CAST: variants seen among roughly 807,000 people sequenced by gnomAD.
CAST encodes the protein calpastatin, also known as MIR583 host.
Under a neutral mutation model 119.6 loss-of-function variants are expected in CAST, and 76 were observed. That is an observed-to-expected ratio of 0.64 (90% CI 0.53 to 0.77). The LOEUF is 0.77. Among genes scored for constraint, CAST ranks in the 30% least tolerant of loss-of-function variants. The pLI is 0.00. For missense variants in CAST, 953 were observed against 946.5 expected (o/e 1.01, Z -0.09); for synonymous variants, 319 against 331.6 (o/e 0.96, Z 0.41).
chr5:96,702,974 T>G, intron 3 of CAST: 1 of 982,118 alleles, frequency 1.0e-6, no homozygotes, highest in Non-Finnish European at 1.2e-6. Flanking sequence ...GTCTAGGGCC[T>G]GTGCCCCCGG....
intron 1 of CAST, among the ~76,000 whole-genome samples, chr5:96,664,243 T>C (rs1748996684): frequency 6.6e-6 from 1 of 152,052 alleles, no homozygotes; most frequent in African/African-American, 2.4e-5. Flanking sequence ...TTATTCTCCG[T>C]TTCTATATAA....
At chr5:96,608,404 C>G (rs932938670) in intron 1 of CAST, among the ~76,000 whole-genome samples, 2 of 152,034 alleles carry the variant, frequency 1.3e-5, no homozygotes, top group African/African-American at 4.8e-5. Context: ...TAATACCACC[C>G]CATGCCTCAT....
the CAST span, among the ~76,000 whole-genome samples, chr5:96,265,947 G>C: frequency 6.6e-6 from 1 of 152,094 alleles, no homozygotes; most frequent in Non-Finnish European, 1.5e-5. Context: ...TGTCATGGAA[G>C]AATCAAATTC....
the CAST span, among the ~76,000 whole-genome samples, chr5:96,195,753 A>G: frequency 2.6e-5 from 4 of 152,310 alleles, no homozygotes; most frequent in African/African-American, 9.6e-5. Flanking sequence ...ATGGATGCGC[A>G]AATTGCCAAA....
chr5:96,208,018 T>A, the CAST span, among the ~76,000 whole-genome samples: 1 of 151,990 alleles, frequency 6.6e-6, no homozygotes. Flanking sequence ...CCTGGTTCAG[T>A]TTGGGAAGTT....
the CAST span, among the ~76,000 whole-genome samples, chr5:95,971,867 T>A: frequency 6.6e-6 from 1 of 152,240 alleles, no homozygotes; most frequent in African/African-American, 2.4e-5. Flanking sequence ...ATTTACATTA[T>A]ACCCAATTTT....
chr5:96,583,971 G>A (rs1006352038), intron 1 of CAST, among the ~76,000 whole-genome samples: 6 of 152,112 alleles, frequency 3.9e-5, no homozygotes, highest in African/African-American at 1.2e-4. Flanking sequence ...TCTCATAGAC[G>A]CCAAGATTTA....
At chr5:96,498,959 T>C in the CAST span, among the ~76,000 whole-genome samples, 1 of 150,662 alleles carries the variant, frequency 6.6e-6, no homozygotes, top group Non-Finnish European at 1.5e-5. Flanking sequence ...AGGATGTAGC[T>C]ACCCAACACT....
chr5:96,652,621 C>T (rs909878480), intron 1 of CAST, among the ~76,000 whole-genome samples: 6 of 152,204 alleles, frequency 3.9e-5, no homozygotes, highest in African/African-American at 1.4e-4. Flanking sequence ...TCCTGACACA[C>T]AGCATTTGGC....
chr5:96,399,319 T>A, the CAST span, among the ~76,000 whole-genome samples: 2 of 152,308 alleles, frequency 1.3e-5, no homozygotes, highest in South Asian at 4.1e-4. Context: ...AAAAATGATT[T>A]TATCTAGAAG....
the CAST span, among the ~76,000 whole-genome samples, chr5:96,010,230 T>G: frequency 6.6e-6 from 1 of 152,140 alleles, no homozygotes. Context: ...GGTAGTGTGA[T>G]CTCTCTGGCT....
the CAST span, among the ~76,000 whole-genome samples, chr5:96,316,750 GGCC>G: frequency 4.6e-5 from 7 of 151,998 alleles, no homozygotes; most frequent in Admixed American, 3.3e-4. Context: ...AGCCACCCAG[GGCC>G]AAAAGACTAT....
chr5:96,234,598 C>T, the CAST span, among the ~76,000 whole-genome samples: 1 of 152,184 alleles, frequency 6.6e-6, no homozygotes, highest in Admixed American at 6.5e-5. Flanking sequence ...TTCCACCAGC[C>T]TTGGCTTGTG....
the CAST span, among the ~76,000 whole-genome samples, chr5:96,211,659 T>C: frequency 1.3e-5 from 2 of 152,072 alleles, no homozygotes; most frequent in African/African-American, 4.8e-5. Context: ...CTTCATAAAA[T>C]GAATTAGGCA....
chr5:95,998,346 T>C, the CAST span, among the ~76,000 whole-genome samples: 27 of 152,250 alleles, frequency 1.8e-4, no homozygotes, highest in Admixed American at 1.6e-3. Context: ...AGATTTTTAG[T>C]GTACCCATCA....
the CAST span, among the ~76,000 whole-genome samples, chr5:96,132,119 C>G: frequency 2.6e-5 from 4 of 152,074 alleles, no homozygotes; most frequent in African/African-American, 9.7e-5. Flanking sequence ...AAATGTATGG[C>G]TATACTTATA....
intron 1 of CAST, among the ~76,000 whole-genome samples, chr5:96,588,451 C>T (rs998946929): frequency 6.6e-6 from 1 of 152,058 alleles, no homozygotes; most frequent in East Asian, 1.9e-4. Context: ...CTGCCTGCCT[C>T]GGCCTCCCAA....
chr5:96,368,147 C>A, the CAST span, among the ~76,000 whole-genome samples: 1 of 151,712 alleles, frequency 6.6e-6, no homozygotes, highest in Non-Finnish European at 1.5e-5. Context: ...CTTCCCTTCC[C>A]TTTCCTTTCT....
At chr5:96,578,715 T>C (rs151230032) in intron 1 of CAST, among the ~76,000 whole-genome samples, 96 of 152,324 alleles carry the variant, frequency 6.3e-4, no homozygotes, top group African/African-American at 2.3e-3. Flanking sequence ...TAGCATTAGT[T>C]GATTGTCTTT....
Sources: allele counts gnomAD v4.1 joint callset (sites outside exome capture counted in the v4.1 genomes callset), GRCh38; gene constraint gnomAD v4.1.1; transcripts MANE v1.5; gene names NCBI Gene and HGNC (gene_info 2026-07-23, HGNC 2026-07-21).